Variants in SOX6 observed in about 807,000 individuals in gnomAD.
SOX6 encodes the protein SRY-box transcription factor 6, also known as transcription factor SOX-6.
Under a neutral mutation model 97.8 loss-of-function variants are expected in SOX6, and 11 were observed. The observed-to-expected ratio is 0.11, with a 90% confidence interval of 0.07 to 0.19. The LOEUF is 0.19. Ranked by LOEUF, SOX6 falls within the 10% of genes least tolerant of loss-of-function variation. The pLI, the probability that SOX6 is intolerant of heterozygous loss-of-function variation, is 1.00. For missense variants in SOX6, 810 were observed against 1,039.5 expected, an observed-to-expected ratio of 0.78 and a Z score of 3.04; for synonymous variants, 360 against 371.4, an observed-to-expected ratio of 0.97 and a Z score of 0.35.
chr11:16,143,531 G>T (rs1360672307), intron 6 of SOX6, among the ~76,000 whole-genome samples: 1 of 152,096 alleles, frequency 6.6e-6, no homozygotes, highest in Non-Finnish European at 1.5e-5. Flanking sequence ...TGGGCTAAAA[G>T]CTCCAATTAA....
At chr11:16,654,011 T>C (rs11024009) in intron 3 of SOX6, among the ~76,000 whole-genome samples, 110 of 152,264 alleles carry the variant, frequency 7.2e-4, no homozygotes, top group Non-Finnish European at 1.3e-3. Context: ...TTATTAATGT[T>C]TGTTCTAACC....
At chr11:16,233,226 C>A (rs929870329) in intron 4 of SOX6, among the ~76,000 whole-genome samples, 1 of 152,030 alleles carries the variant, frequency 6.6e-6, no homozygotes, top group Non-Finnish European at 1.5e-5. Context: ...ACTAAGTACC[C>A]AAATTGTTAG....
At chr11:16,322,464 T>C (rs763734091) in intron 2 of SOX6, among the ~76,000 whole-genome samples, 2 of 152,180 alleles carry the variant, frequency 1.3e-5, no homozygotes, top group Non-Finnish European at 2.9e-5. Flanking sequence ...AACCATGAGC[T>C]ATTAAACCTC....
At chr11:16,307,212 G>C (rs1855469300) in intron 3 of SOX6, among the ~76,000 whole-genome samples, 1 of 152,176 alleles carries the variant, frequency 6.6e-6, no homozygotes, top group Non-Finnish European at 1.5e-5. Flanking sequence ...TCATTAGCCA[G>C]ATACCAATGC....
chr11:16,671,945 G>C (rs1157447851), intron 3 of SOX6, among the ~76,000 whole-genome samples: 1 of 152,180 alleles, frequency 6.6e-6, no homozygotes, highest in Non-Finnish European at 1.5e-5. Context: ...GATAACACCA[G>C]ATGTTTCAGC....
At chr11:16,387,244 C>T (rs1039951782) in intron 1 of SOX6, among the ~76,000 whole-genome samples, 3 of 151,994 alleles carry the variant, frequency 2.0e-5, no homozygotes, top group Non-Finnish European at 4.4e-5. Context: ...TTTTAAAATG[C>T]CATATACCTG....
intron 6 of SOX6, among the ~76,000 whole-genome samples, chr11:16,153,761 T>C (rs1850523440): frequency 1.3e-5 from 2 of 152,216 alleles, no homozygotes; most frequent in Admixed American, 1.3e-4. Flanking sequence ...GTGAGACAGA[T>C]ATGTGATCTC....
At chr11:16,403,857 TTAAAA>T (rs1285407054) in intron 1 of SOX6, among the ~76,000 whole-genome samples, 2 of 151,584 alleles carry the variant, frequency 1.3e-5, no homozygotes, top group Non-Finnish European at 3.0e-5. Context: ...AAAAAAAGAA[TTAAAA>T]TAAAATTATT....
At chr11:16,238,648 C>A (rs1329107462) in intron 3 of SOX6, among the ~76,000 whole-genome samples, 1 of 152,012 alleles carries the variant, frequency 6.6e-6, no homozygotes, top group Non-Finnish European at 1.5e-5. Context: ...AATAAATAAA[C>A]AAATTGTCAT....
intron 7 of SOX6, among the ~76,000 whole-genome samples, chr11:16,097,986 A>C (rs1848842417): frequency 6.6e-6 from 1 of 151,834 alleles, no homozygotes; most frequent in African/African-American, 2.4e-5. Context: ...TTTAAGAGTA[A>C]AAAAATATCT....
At chr11:16,472,274 T>C (rs189588596) in intron 1 of SOX6, among the ~76,000 whole-genome samples, 1 of 152,286 alleles carries the variant, frequency 6.6e-6, no homozygotes, top group Admixed American at 6.5e-5. Flanking sequence ...CTAAAGCGAA[T>C]GACTAAATAA....
intron 3 of SOX6, among the ~76,000 whole-genome samples, chr11:16,275,602 A>G (rs1281346465): frequency 1.3e-5 from 2 of 152,230 alleles, no homozygotes; most frequent in Non-Finnish European, 1.5e-5. Context: ...CCTATCACCT[A>G]AGATCACTTA....
chr11:16,435,038 G>A (rs1318925175), intron 1 of SOX6, among the ~76,000 whole-genome samples: 1 of 152,094 alleles, frequency 6.6e-6, no homozygotes, highest in African/African-American at 2.4e-5. Context: ...CACCACAGTT[G>A]AAACTTAAAG....
At chr11:16,596,933 G>A (rs1848218497) in intron 4 of SOX6, among the ~76,000 whole-genome samples, 4 of 152,082 alleles carry the variant, frequency 2.6e-5, no homozygotes, top group Admixed American at 2.0e-4. Context: ...GGCTCTGGAA[G>A]TAAGTATGAA....
chr11:16,007,707 G>A (rs755931283), intron 13 of SOX6, among the ~76,000 whole-genome samples: 1 of 152,082 alleles, frequency 6.6e-6, no homozygotes, highest in African/African-American at 2.4e-5. Flanking sequence ...GGCTCTTACT[G>A]CCAGGAGAGA....
At chr11:16,188,662 C>T (rs754139300) in intron 4 of SOX6, among the ~76,000 whole-genome samples, 4 of 152,092 alleles carry the variant, frequency 2.6e-5, no homozygotes, top group Non-Finnish European at 5.9e-5. Flanking sequence ...ATTCAATAAA[C>T]ATTTTCTGAA....
chr11:16,486,468 A>C (rs1449665846), intron 4 of SOX6, among the ~76,000 whole-genome samples: 1 of 152,172 alleles, frequency 6.6e-6, no homozygotes, highest in East Asian at 1.9e-4. Flanking sequence ...TAAAAAGGCA[A>C]AGAGGGTCCT....
intron 1 of SOX6, among the ~76,000 whole-genome samples, chr11:16,466,735 C>A (rs2133111552): frequency 6.6e-6 from 1 of 150,582 alleles, no homozygotes; most frequent in Admixed American, 6.6e-5. Context: ...TCGAGACCAT[C>A]CCGGCTAAAA....
At chr11:16,312,368 C>CT (rs1565084967) in intron 3 of SOX6, 1 of 152,134 alleles carries the variant, frequency 6.6e-6, no homozygotes, top group Non-Finnish European at 1.5e-5. Context: ...CATTGTATCC[C>CT]TTTTCCTGCA....
Sources: allele counts gnomAD v4.1 joint callset (sites outside exome capture counted in the v4.1 genomes callset), GRCh38; gene constraint gnomAD v4.1.1; transcripts MANE v1.5; gene names NCBI Gene and HGNC (gene_info 2026-07-23, HGNC 2026-07-21).